The following CPLANE1 variants were observed in gnomAD, a reference collection of about 807,000 sequenced individuals.
CPLANE1 encodes the protein ciliogenesis and planar polarity effector complex subunit 1.
In CPLANE1, 263 loss-of-function variants were observed where a neutral mutation model predicts 362.5. That is an observed-to-expected ratio of 0.73 (90% CI 0.66 to 0.80). CPLANE1 has a LOEUF of 0.80. Ranked by LOEUF, CPLANE1 falls within the 30% of genes least tolerant of loss-of-function variation. The probability of loss-of-function intolerance (pLI) is 0.00; values close to 1 mark genes in which losing one functional copy is unlikely to be tolerated. For synonymous variants in CPLANE1, 1,212 were observed against 1,302.6 expected, an observed-to-expected ratio of 0.93 and a Z score of 1.50; for missense variants, 3,461 against 3,793.4, an observed-to-expected ratio of 0.91 and a Z score of 2.30.
intron 16 of CPLANE1, chr5:37,210,842 A>C (rs1792392635): frequency 1.1e-6 from 1 of 871,768 alleles, no homozygotes. Flanking sequence ...AAAAGGCTAC[A>C]GTGGTTGAGC....
At chr5:37,081,947 C>A in the CPLANE1 span, among the ~76,000 whole-genome samples, 2 of 151,998 alleles carry the variant, frequency 1.3e-5, no homozygotes, top group African/African-American at 4.8e-5. Flanking sequence ...TTGCGACCAG[C>A]CTAACATGGT....
rs763642816 is a variant in CPLANE1, at chr5:37,198,754, A to G, written c.3620T>C (p.Val1207Ala). The G allele has an allele frequency of 3.3e-5, 54 of 1,614,018 alleles. No individual in the cohort carries two copies. The highest frequency in any genetic ancestry group is 3.3e-4 in the Middle Eastern group (2 of 6,084). The change falls in exon 20 of 53, where the codon GTA (valine) becomes GCA (alanine). Residue 1207 changes from valine (V) to alanine (A), a missense_variant. By Grantham distance (64) the Val-to-Ala change is moderately conservative (BLOSUM62 0). Around this residue, in one of 2 missense-constraint regions of CPLANE1, gnomAD observed 3,380 missense variants for 3,666.1 expected, o/e 0.92. Transcript: ENST00000651892. ...LFRAAQCSFP[V>A]AQWYILQLRW... ...CAACTGCAATATATACCACTGTGCTACAGGAAAAGAACACTGAGCCGCCCG... is the reference window on the plus strand; with the variant it reads ...CAACTGCAATATATACCACTGTGCTGCAGGAAAAGAACACTGAGCCGCCCG...
chr5:37,085,394 TAC>T, the CPLANE1 span: 13 of 1,230,854 alleles, frequency 1.1e-5, no homozygotes, highest in East Asian at 3.0e-4. Context: ...TACATCGTAT[TAC>T]ACCCGAGGAG....
intron 51 of CPLANE1, 80 bp from the exon 52 acceptor site, chr5:37,108,551 C>T: frequency 7.6e-7 from 1 of 1,316,240 alleles, no homozygotes; most frequent in Non-Finnish European, 1.1e-6. Flanking sequence ...TGACTTTTAT[C>T]ATCAAAGCCA....
At chr5:37,092,140 T>C in the CPLANE1 span, among the ~76,000 whole-genome samples, 1 of 152,204 alleles carries the variant, frequency 6.6e-6, no homozygotes, top group African/African-American at 2.4e-5. Flanking sequence ...CCCTGTCACC[T>C]GGGCAGACAT....
At chr5:37,144,117 AAAAG>A (rs1770668943) in intron 43 of CPLANE1, among the ~76,000 whole-genome samples, 1 of 151,480 alleles carries the variant, frequency 6.6e-6, no homozygotes, top group African/African-American at 2.4e-5. Flanking sequence ...TAAGGTAAAT[AAAAG>A]AAATACGGTC....
intron 33 of CPLANE1, 106 bp from the exon 34 acceptor site, chr5:37,169,667 TA>T (rs951437682): frequency 0.013 from 8,486 of 636,172 alleles, no homozygotes; most frequent in Middle Eastern, 0.019. Flanking sequence ...TAGTAACTGC[TA>T]AAAAAAAAAA....
intron 32 of CPLANE1, among the ~76,000 whole-genome samples, chr5:37,171,882 G>T (rs1275839004): frequency 6.6e-6 from 1 of 151,844 alleles, no homozygotes; most frequent in African/African-American, 2.4e-5. Context: ...AAATTCCTGG[G>T]CTCAAAGCAT....
Position 37,245,575 on chromosome 5 carries a change from T to G in CPLANE1, c.241A>C (p.Thr81Pro). Reference sequence around the variant, plus strand: ...TTCCAAAGGAAAAGCTCTCCTGTAGTTAGTACCCCAGCCAGCCAGGCATCT... The same window carrying G: ...TTCCAAAGGAAAAGCTCTCCTGTAGGTAGTACCCCAGCCAGCCAGGCATCT... Reference protein sequence around the residue: ...SNDAWLAGVLTTGELFLWNKD... With the variant: ...SNDAWLAGVLPTGELFLWNKD... The change falls in exon 4 of 53, where the codon ACT becomes CCT. Residue 81 changes from threonine (T) to proline (P), a missense_variant. Thr to Pro is a conservative substitution (Grantham distance 38). This residue lies in a region of CPLANE1 where 3,380 missense variants were observed against 3,666.1 expected (regional missense o/e 0.92). Coordinates refer to ENST00000651892, the MANE Select transcript of CPLANE1 (RefSeq NM_001384732.1). 6.6e-7 allele frequency: 1 copy of G among 1,522,370 alleles called. No individual in the cohort carries two copies. Among genetic ancestry groups the G allele is most frequent in the Non-Finnish European group, 8.8e-7 (1 of 1,134,730 alleles). The allele number at this position is 1,522,370 out of a possible 1,614,324, so 94.3% of individuals were successfully genotyped here. A position where few individuals can be genotyped will look rare whatever the true frequency, so the allele number is the denominator to read the frequency against.
chr5:37,245,856 A>G lies in CPLANE1; in HGVS notation c.82-11T>C. On this transcript the variant is annotated splice_polypyrimidine_tract_variant and intron_variant, in intron 2 of 52. Coordinates refer to ENST00000651892, the MANE Select transcript of CPLANE1 (RefSeq NM_001384732.1). ...AACGGCTTCTTTTTCCTAAGAGAAG[A>G]AACATGTGAAGGACTCAAGAGGTGC... 1 of 1,513,042 alleles carries G rather than the reference A, an allele frequency of 6.6e-7. No homozygotes were observed. Among genetic ancestry groups the G allele is most frequent in the Non-Finnish European group, 8.8e-7 (1 of 1,133,964 alleles). 93.7% of individuals were successfully genotyped at this position (1,513,042 alleles called of 1,614,324 possible). A position where few individuals can be genotyped will look rare whatever the true frequency, so the allele number is the denominator to read the frequency against.
chr5:37,090,872 T>C, the CPLANE1 span, among the ~76,000 whole-genome samples: 3 of 152,344 alleles, frequency 2.0e-5, no homozygotes, highest in South Asian at 6.2e-4. Context: ...CCACCCTGTG[T>C]GCTCTTTTTC....
chr5:37,128,927 C>T (rs1765006030), intron 46 of CPLANE1, among the ~76,000 whole-genome samples: 1 of 151,612 alleles, frequency 6.6e-6, no homozygotes, highest in Non-Finnish European at 1.5e-5. Flanking sequence ...TCATATGGAA[C>T]CAAAAAAGAG....
intron 44 of CPLANE1, chr5:37,140,344 CAT>C (rs1452964131): frequency 1.0e-6 from 1 of 980,242 alleles, no homozygotes; most frequent in African/African-American, 1.8e-5. Context: ...TTCTTGAAAA[CAT>C]ATTGTTCTAT....
the CPLANE1 span, among the ~76,000 whole-genome samples, chr5:37,098,677 CA>C: frequency 1.3e-5 from 2 of 151,046 alleles, no homozygotes; most frequent in Non-Finnish European, 2.9e-5. Flanking sequence ...AAAATAATAT[CA>C]AGTAACTTTT....
chr5:37,088,390 TAAGGCCTCCTA>T, the CPLANE1 span, among the ~76,000 whole-genome samples: 4 of 152,246 alleles, frequency 2.6e-5, no homozygotes, highest in African/African-American at 9.6e-5. Flanking sequence ...GCTATGGCAT[TAAGGCCTCCTA>T]AAGTGAAAAG....
intron 19 of CPLANE1, among the ~76,000 whole-genome samples, chr5:37,199,144 C>T (rs1788446374): frequency 6.7e-6 from 1 of 149,676 alleles, no homozygotes; most frequent in South Asian, 2.2e-4. Flanking sequence ...ATGCTCACTG[C>T]TTCTCAAACT....
At chr5:37,131,523 T>C (rs988774786) in intron 46 of CPLANE1, among the ~76,000 whole-genome samples, 1 of 152,158 alleles carries the variant, frequency 6.6e-6, no homozygotes, top group African/African-American at 2.4e-5. Flanking sequence ...TAATTTTTTT[T>C]TAGTAAAAAA....
chr5:37,085,925 A>C, the CPLANE1 span: 1 of 691,056 alleles, frequency 1.4e-6, no homozygotes, highest in African/African-American at 1.8e-5. Flanking sequence ...ATAGGAAAAA[A>C]AAAAAGCAAC....
chr5:37,208,494 G>A (rs1054186842), intron 16 of CPLANE1, among the ~76,000 whole-genome samples: 8 of 152,170 alleles, frequency 5.3e-5, no homozygotes, highest in Non-Finnish European at 1.2e-4. Flanking sequence ...TGGCTAACAC[G>A]GTGAAACCCC....
Sources: gnomAD v4.1 joint callset for allele counts (sites outside exome capture counted in the v4.1 genomes callset) on GRCh38, gnomAD v4.1.1 for gene constraint, gnomAD v4.1.1 regional missense constraint, MANE v1.5 for transcripts, NCBI Gene and HGNC (gene_info 2026-07-23, HGNC 2026-07-21) for gene names.